Variants in MT3 observed in about 807,000 individuals in gnomAD.
MT3 encodes the protein metallothionein-3.
Under a neutral mutation model 10.9 loss-of-function variants are expected in MT3, and 8 were observed. The observed-to-expected ratio is 0.73, with a 90% CI of 0.43 to 1.33. MT3 has a LOEUF of 1.33. MT3 is among the 40% of genes most tolerant of loss of function. The pLI is 0.01. For missense variants in MT3, 75 were observed against 83.9 expected (o/e 0.89, Z 0.41); for synonymous variants, 32 against 29.9 (o/e 1.07, Z -0.23).
At chr16:56,590,099 C>G (rs1431133943) in intron 2 of MT3, 164 bp downstream of exon 2, 5 of 755,384 alleles carry the variant, frequency 6.6e-6, no homozygotes, top group African/African-American at 1.7e-5. Context: ...GATGCCCCTG[C>G]CCCACACCCA....
At chr16:56,589,694 C>T (rs1232859465) in intron 1 of MT3, 73 bp downstream of exon 1, 2 of 1,602,692 alleles carry the variant, frequency 1.2e-6, no homozygotes, top group Non-Finnish European at 1.7e-6. Context: ...ACGCCCTGCG[C>T]CTTCGCTCAA....
rs370256755 is a variant in MT3, at chr16:56,589,645, T to C, written c.31+24T>C. On this transcript the variant is annotated intron_variant, in intron 1 of 2. Coordinates refer to ENST00000200691, the MANE Select transcript of MT3 (RefSeq NM_005954.4). ...TGGTGAGCCCCCGCCCCCGCTCGCA[T>C]CCTGCGCACTGCGCGCCCTTGTACC... The C allele has an allele frequency of 2.5e-6, 4 of 1,605,494 alleles. No homozygotes were observed. In the Admixed American group the frequency reaches 6.7e-5, roughly 27 times the overall value.
chr16:56,590,197 G>T, intron 2 of MT3: 6 of 637,682 alleles, frequency 9.4e-6, no homozygotes, highest in Non-Finnish European at 1.7e-5. Flanking sequence ...CTGCCACACT[G>T]GTCCAACCTT....
At position 56,591,028 on chromosome 16, in the gene MT3, C is replaced by T. The variant is rs747084155; in HGVS notation, c.*79C>T. The T allele has an allele frequency of 1.7e-6, 2 of 1,175,672 alleles. No homozygotes were observed. The highest frequency in any genetic ancestry group is 2.5e-6 in the Non-Finnish European group (2 of 803,610). The allele number at this position is 1,175,672 out of a possible 1,614,324, so 72.8% of individuals were successfully genotyped here. On this transcript the variant is annotated 3_prime_UTR_variant, in exon 3 of 3. Coordinates refer to ENST00000200691, the MANE Select transcript of MT3 (RefSeq NM_005954.4). ...CACCTATGCCTGTGGTGAAGTGTGG[C>T]TGGTGTCCCCTTCCCCTGCTGACCT...
In MT3 at chr16:56,590,962, C is replaced by G. The variant is rs752272567; in HGVS notation, c.*13C>G. 1.2e-6 allele frequency: 2 copies of G among 1,608,590 alleles called. No individual in the cohort carries two copies. The highest frequency in any genetic ancestry group is 8.5e-7 in the Non-Finnish European group (1 of 1,177,046). Reference sequence around the variant, plus strand: ...CTGCTGCCAGTGAGAAGGCACCCCTCCGTGTGGAGCACGTGGAGATAGTGC... The same window carrying G: ...CTGCTGCCAGTGAGAAGGCACCCCTGCGTGTGGAGCACGTGGAGATAGTGC... On this transcript the variant is annotated 3_prime_UTR_variant, in exon 3 of 3. Transcript: ENST00000200691.
chr16:56,589,639 C>A lies in MT3; in HGVS notation c.31+18C>A, dbSNP rs577933473. ...CCCTTCTGGTGAGCCCCCGCCCCCGCTCGCATCCTGCGCACTGCGCGCCCT... is the reference window on the plus strand; with the variant it reads ...CCCTTCTGGTGAGCCCCCGCCCCCGATCGCATCCTGCGCACTGCGCGCCCT... On this transcript the variant is annotated intron_variant, in intron 1 of 2. Transcript: ENST00000200691. The A allele has an allele frequency of 1.9e-6, 3 of 1,605,638 alleles. No homozygotes were observed. The East Asian group carries it at 6.7e-5, about 36-fold the overall frequency.
In MT3 at chr16:56,591,008, A is replaced by T. The variant is rs1959815985; in HGVS notation, c.*59A>T. The T allele has an allele frequency of 7.1e-7, 1 of 1,413,700 alleles. No homozygotes were observed. The highest frequency in any genetic ancestry group is 2.4e-5 in the East Asian group (1 of 42,132). The allele number at this position is 1,413,700 out of a possible 1,614,324, so 87.6% of individuals were successfully genotyped here. ...AGTGCCAGGTGGCTCAGTGCCACCT[A>T]TGCCTGTGGTGAAGTGTGGCTGGTG... On this transcript the variant is annotated 3_prime_UTR_variant, in exon 3 of 3. Transcript: ENST00000200691.
In MT3 at chr16:56,589,905, G is replaced by A. The variant is rs1401658785; in HGVS notation, c.67G>A (p.Glu23Lys). The change falls in exon 2 of 3, where the codon GAG (glutamate) becomes AAG (lysine). Residue 23 changes from glutamate (E) to lysine (K), a missense_variant. Glu to Lys is a moderately conservative substitution (Grantham distance 56). Transcript: ENST00000200691. Reference protein sequence around the residue: ...SCTCADSCKCEGCKCTSCKKS... With the variant: ...SCTCADSCKCKGCKCTSCKKS... ...CACCTGCGCGGACTCCTGCAAGTGC[G>A]AGGGATGCAAATGCACCTCCTGCAA... 6.2e-7 allele frequency: 1 copy of A among 1,613,898 alleles called. No homozygotes were observed. Among genetic ancestry groups the A allele is most frequent in the East Asian group, 2.2e-5 (1 of 44,876 alleles).
In MT3 at chr16:56,590,876, G is replaced by A. The variant is rs1388642034; in HGVS notation, c.134G>A (p.Cys45Tyr). 1 of 1,613,982 alleles carries A rather than the reference G, an allele frequency of 6.2e-7. No homozygotes were observed. The highest frequency in any genetic ancestry group is 1.3e-5 in the African/African-American group (1 of 74,928). ...TGCTGCCCTGCGGAGTGTGAGAAGTGTGCCAAGGACTGTGTGTGCAAAGGC... is the reference window on the plus strand; with the variant it reads ...TGCTGCCCTGCGGAGTGTGAGAAGTATGCCAAGGACTGTGTGTGCAAAGGC... ...CSCCPAECEK[C>Y]AKDCVCKGGE... Residue 45 changes from cysteine (C) to tyrosine (Y), a missense_variant, in exon 3 of 3, where the codon TGT becomes TAT. Coordinates refer to ENST00000200691, the MANE Select transcript of MT3 (RefSeq NM_005954.4).
At position 56,589,554 on chromosome 16, in the gene MT3, A is replaced by G; in HGVS notation, c.-37A>G. 1 of 1,543,722 alleles carries G rather than the reference A, an allele frequency of 6.5e-7. No homozygotes were observed. Among genetic ancestry groups the G allele is most frequent in the Non-Finnish European group, 8.7e-7 (1 of 1,147,674 alleles). On this transcript the variant is annotated 5_prime_UTR_variant, in exon 1 of 3. Coordinates refer to ENST00000200691, the MANE Select transcript of MT3 (RefSeq NM_005954.4). Reference sequence around the variant, plus strand: ...AGCCGCGCGTCCAGTTGCTTGGAGAAGCCCGTTCACCGCCTCCAGCTGCTG... The same window carrying G: ...AGCCGCGCGTCCAGTTGCTTGGAGAGGCCCGTTCACCGCCTCCAGCTGCTG...
intron 1 of MT3, 39 bp from the exon 2 acceptor site, chr16:56,589,831 C>G: frequency 6.2e-7 from 1 of 1,610,388 alleles, no homozygotes; most frequent in Non-Finnish European, 8.5e-7. Context: ...GACCCGAGTT[C>G]GTCCACATTA....
Position 56,589,638 on chromosome 16 carries a change from G to T in MT3, c.31+17G>T. On this transcript the variant is annotated intron_variant, in intron 1 of 2. Coordinates refer to ENST00000200691, the MANE Select transcript of MT3 (RefSeq NM_005954.4). ...GCCCTTCTGGTGAGCCCCCGCCCCCGCTCGCATCCTGCGCACTGCGCGCCC... is the reference window on the plus strand; with the variant it reads ...GCCCTTCTGGTGAGCCCCCGCCCCCTCTCGCATCCTGCGCACTGCGCGCCC... 1.9e-6 allele frequency: 3 copies of T among 1,604,272 alleles called. No homozygotes were observed. The highest frequency in any genetic ancestry group is 2.5e-6 in the Non-Finnish European group (3 of 1,179,356).
intron 1 of MT3, 111 bp from the exon 2 acceptor site, chr16:56,589,759 G>A: frequency 6.4e-7 from 1 of 1,571,286 alleles, no homozygotes; most frequent in Non-Finnish European, 8.7e-7. Flanking sequence ...TGAAGGGCGG[G>A]CATGCCTGTG....
Position 56,589,891 on chromosome 16 carries a change from A to C in MT3, c.53A>C (p.Asp18Ala). ...CPSGGSCTCA[D>A]SCKCEGCKCT... ...CTAGGTGGCTCCTGCACCTGCGCGG[A>C]CTCCTGCAAGTGCGAGGGATGCAAA... Residue 18 changes from aspartate (D) to alanine (A), a missense_variant, in exon 2 of 3, where the codon GAC (aspartate) becomes GCC (alanine). Physicochemically the swap from Asp to Ala is moderately radical, Grantham distance 126. Transcript: ENST00000200691. The C allele has an allele frequency of 6.2e-7, 1 of 1,613,586 alleles. No individual in the cohort carries two copies. The highest frequency in any genetic ancestry group is 8.5e-7 in the Non-Finnish European group (1 of 1,179,880).
chr16:56,590,669 C>G, intron 2 of MT3, 171 bp from the exon 3 acceptor site: 1 of 637,908 alleles, frequency 1.6e-6, no homozygotes, highest in Non-Finnish European at 2.8e-6. Flanking sequence ...ATGCCACTGC[C>G]GCGACATAGA....
At chr16:56,590,616 C>T in intron 2 of MT3, 1 of 568,928 alleles carries the variant, frequency 1.8e-6, no homozygotes, top group Non-Finnish European at 3.2e-6. Flanking sequence ...ACCCAAGGGG[C>T]TCTGGTCATT....
intron 2 of MT3, 66 bp from the exon 3 acceptor site, chr16:56,590,774 C>A: frequency 6.6e-7 from 1 of 1,512,280 alleles, no homozygotes; most frequent in Non-Finnish European, 9.0e-7. Flanking sequence ...CCCTTCCCTC[C>A]CCTTTGATGG....
At position 56,589,923 on chromosome 16, in the gene MT3, T is replaced by G. The variant is rs201877805; in HGVS notation, c.85T>G (p.Ser29Ala). 38 of 1,614,026 alleles carry G rather than the reference T, an allele frequency of 2.4e-5. No individual in the cohort carries two copies. The highest frequency in any genetic ancestry group is 8.3e-5 in the Admixed American group (5 of 60,006). The change falls in exon 2 of 3, where the codon TCC (serine) becomes GCC (alanine). Residue 29 changes from serine (S) to alanine (A), a missense_variant. Ser to Ala is a moderately conservative substitution (Grantham distance 99). Coordinates refer to ENST00000200691, the MANE Select transcript of MT3 (RefSeq NM_005954.4). ...SCKCEGCKCT[S>A]CKKSCCSCCP... Reference sequence around the variant, plus strand: ...CAAGTGCGAGGGATGCAAATGCACCTCCTGCAAGAAGAGTGAGTGCGGGGA... The same window carrying G: ...CAAGTGCGAGGGATGCAAATGCACCGCCTGCAAGAAGAGTGAGTGCGGGGA...
At chr16:56,589,982 C>T (rs368360066) in intron 2 of MT3, 47 bp downstream of exon 2, 8 of 1,598,056 alleles carry the variant, frequency 5.0e-6, no homozygotes, top group South Asian at 4.4e-5. Flanking sequence ...CTCTGCTCTG[C>T]GGAGTCGGTG....
Sources: gnomAD v4.1 joint callset for allele counts on GRCh38, gnomAD v4.1.1 for gene constraint, MANE v1.5 for transcripts, NCBI Gene and HGNC (gene_info 2026-07-23, HGNC 2026-07-21) for gene names.